The following MRTFB variants were observed in gnomAD, a reference collection of about 807,000 sequenced individuals.
The protein encoded by MRTFB is myocardin related transcription factor B.
Under a neutral mutation model 104.2 loss-of-function variants are expected in MRTFB, and 29 were observed. That is an observed-to-expected ratio of 0.28 (90% CI 0.21 to 0.38). MRTFB has a LOEUF of 0.38. MRTFB is among the 10% of genes least tolerant of loss of function. MRTFB has a pLI of 1.00. For synonymous variants in MRTFB, 535 were observed against 519.5 expected (o/e 1.03, Z -0.41); for missense variants, 1,270 against 1,341.6 (o/e 0.95, Z 0.83).
At chr16:14,207,721 G>A (rs2041012431) in intron 3 of MRTFB, among the ~76,000 whole-genome samples, 1 of 152,100 alleles carries the variant, frequency 6.6e-6, no homozygotes, top group Admixed American at 6.5e-5. Flanking sequence ...TGCCCTATGT[G>A]TCTCTTCCAT....
intron 7 of MRTFB, 91 bp downstream of exon 7, chr16:14,217,378 C>G (rs1215832506): frequency 9.3e-6 from 10 of 1,074,874 alleles, no homozygotes; most frequent in East Asian, 7.5e-5. Flanking sequence ...TAGCACCGAT[C>G]GTGAGTATTG....
intron 3 of MRTFB, among the ~76,000 whole-genome samples, chr16:14,201,607 T>C (rs1017892445): frequency 5.3e-5 from 8 of 152,190 alleles, no homozygotes; most frequent in African/African-American, 1.7e-4. Context: ...TTAATATAAG[T>C]GGAATCATCG....
At chr16:14,077,814 C>T (rs989501557) in intron 1 of MRTFB, among the ~76,000 whole-genome samples, 18 of 151,926 alleles carry the variant, frequency 1.2e-4, no homozygotes, top group African/African-American at 3.9e-4. Context: ...ATTTTTTTCC[C>T]ACTGTTACCC....
chr16:14,144,982 AT>A (rs2038228393), intron 3 of MRTFB, among the ~76,000 whole-genome samples: 1 of 93,378 alleles, frequency 1.1e-5, no homozygotes, highest in African/African-American at 9.6e-5. Flanking sequence ...ATATACATAC[AT>A]ATATATATAT....
chr16:14,197,716 T>C (rs565353357), intron 3 of MRTFB, among the ~76,000 whole-genome samples: 58 of 152,222 alleles, frequency 3.8e-4, no homozygotes, highest in African/African-American at 1.3e-3. Flanking sequence ...GTAGGGCAAA[T>C]AGAGGCAAAA....
At chr16:14,241,963 CCAATAATAATAA>C (rs1235184760) in intron 10 of MRTFB, among the ~76,000 whole-genome samples, 1 of 110,504 alleles carries the variant, frequency 9.0e-6, no homozygotes, top group East Asian at 2.7e-4. Flanking sequence ...GCATTGGGCA[CCAATAATAATAA>C]TAATAATAAT....
intron 3 of MRTFB, among the ~76,000 whole-genome samples, chr16:14,203,495 T>G (rs369843145): frequency 7.4e-4 from 112 of 152,298 alleles, no homozygotes; most frequent in African/African-American, 2.5e-3. Flanking sequence ...GCATACAATG[T>G]GTTGTTTCCT....
At chr16:14,098,800 A>G (rs1390273880) in intron 2 of MRTFB, among the ~76,000 whole-genome samples, 4 of 152,212 alleles carry the variant, frequency 2.6e-5, no homozygotes, top group African/African-American at 9.6e-5. Flanking sequence ...TTTCTTGCAT[A>G]TGGCTATTTA....
intron 3 of MRTFB, among the ~76,000 whole-genome samples, chr16:14,192,438 A>G (rs2040228659): frequency 6.6e-6 from 1 of 152,160 alleles, no homozygotes; most frequent in South Asian, 2.1e-4. Context: ...AAAGTAAAAG[A>G]TATCTCTTCA....
the MRTFB span, among the ~76,000 whole-genome samples, chr16:14,045,971 A>G: frequency 2.4e-3 from 364 of 152,316 alleles, 9 homozygotes; most frequent in East Asian, 0.061. Flanking sequence ...ACCGGAAAAT[A>G]TTAGCTAGTA....
chr16:14,070,016 C>T (rs936308598), upstream of MRTFB, among the ~76,000 whole-genome samples: 1 of 152,144 alleles, frequency 6.6e-6, no homozygotes, highest in Admixed American at 6.5e-5. Flanking sequence ...CAATTGGTTC[C>T]GGGGAGAGTG....
the MRTFB span, among the ~76,000 whole-genome samples, chr16:14,051,334 GAC>G: frequency 6.6e-6 from 1 of 151,494 alleles, no homozygotes; most frequent in South Asian, 2.1e-4. Context: ...GACATTCACA[GAC>G]ACACAGACAC....
chr16:14,091,588 C>A (rs1567311875), intron 2 of MRTFB, among the ~76,000 whole-genome samples: 1 of 152,076 alleles, frequency 6.6e-6, no homozygotes, highest in East Asian at 1.9e-4. Context: ...ACTGAGAGTT[C>A]CTGGAAGAAG....
intron 1 of MRTFB, among the ~76,000 whole-genome samples, chr16:14,072,832 A>G (rs929295739): frequency 6.6e-6 from 1 of 152,236 alleles, no homozygotes; most frequent in Non-Finnish European, 1.5e-5. Context: ...ATAAATACGT[A>G]AATATTAGCA....
intron 3 of MRTFB, among the ~76,000 whole-genome samples, chr16:14,155,154 T>G (rs2038782408): frequency 6.6e-6 from 1 of 152,200 alleles, no homozygotes; most frequent in Non-Finnish European, 1.5e-5. Flanking sequence ...CTTGTTTAAT[T>G]TTTTCCCATT....
chr16:14,242,293 G>C (rs1169233602), intron 10 of MRTFB, among the ~76,000 whole-genome samples: 1 of 152,008 alleles, frequency 6.6e-6, no homozygotes, highest in Non-Finnish European at 1.5e-5. Flanking sequence ...TTTCCATTAA[G>C]GCTTCAATTC....
At chr16:14,022,350 A>G in the MRTFB span, among the ~76,000 whole-genome samples, 1 of 152,230 alleles carries the variant, frequency 6.6e-6, no homozygotes, top group Non-Finnish European at 1.5e-5. Context: ...TAACAACTCT[A>G]TCATAATCCC....
chr16:14,146,430 T>C (rs764531358), intron 3 of MRTFB, among the ~76,000 whole-genome samples: 11 of 152,248 alleles, frequency 7.2e-5, no homozygotes, highest in Non-Finnish European at 1.6e-4. Context: ...TTCTAAGATT[T>C]TCCATCCATT....
At chr16:14,182,249 G>A (rs2039795345) in intron 3 of MRTFB, among the ~76,000 whole-genome samples, 1 of 152,200 alleles carries the variant, frequency 6.6e-6, no homozygotes, top group African/African-American at 2.4e-5. Flanking sequence ...GTGGGAGAGG[G>A]GGAGGCAGGC....
Sources: gnomAD v4.1 joint callset for allele counts (sites outside exome capture counted in the v4.1 genomes callset) on GRCh38, gnomAD v4.1.1 for gene constraint, MANE v1.5 for transcripts, NCBI Gene and HGNC (gene_info 2026-07-23, HGNC 2026-07-21) for gene names.